Variants in OPCML observed in about 807,000 individuals in gnomAD.
OPCML encodes opioid-binding protein/cell adhesion molecule.
Under a neutral mutation model 37.8 loss-of-function variants are expected in OPCML, and 13 were observed. The ratio of observed to expected loss-of-function variants is 0.34; its 90% CI spans 0.22 to 0.55. The LOEUF (loss-of-function observed/expected upper bound fraction) is 0.55. Among genes scored for constraint, OPCML ranks in the 20% least tolerant of loss-of-function variants. The pLI is 0.91. For synonymous variants in OPCML, 176 were observed against 168.8 expected (o/e 1.04, Z -0.33); for missense variants, 341 against 435.6 (o/e 0.78, Z 1.93).
intron 1 of OPCML, among the ~76,000 whole-genome samples, chr11:133,369,087 C>T (rs1233353538): frequency 6.6e-6 from 1 of 152,246 alleles, no homozygotes; most frequent in East Asian, 1.9e-4. Flanking sequence ...TTTGGTGCAA[C>T]CAAGTGTCGA....
At chr11:132,581,616 A>G (rs1475228204) in intron 3 of OPCML, among the ~76,000 whole-genome samples, 1 of 152,220 alleles carries the variant, frequency 6.6e-6, no homozygotes, top group Admixed American at 6.5e-5. Context: ...TCAGCTCTGA[A>G]TCCTGTCCCA....
In OPCML at chr11:133,405,627, C is replaced by T. The variant is rs541714021; in HGVS notation, c.61+126637G>A. ...CTCCTGAACTGTGTTGTTTCTTTTG[C>T]GTGATCTGGCTCTAGCGCTGGGGGA... is the stretch of plus-strand genomic sequence containing the variant. On this transcript the variant is annotated intron_variant, in intron 1 of 7. Transcript: ENST00000524381. 1.1e-4 allele frequency among the ~76,000 whole-genome samples: 16 copies of T among 152,260 alleles called. No homozygotes were observed. In the East Asian group the frequency reaches 1.2e-3, roughly 11 times the overall value.
chr11:132,419,940 C>T lies in OPCML; in HGVS notation c.*253G>A, dbSNP rs2095951622. ...AAGGGAAGGGTCAAGGTAGCAGGAGCAGACCCCATTTTTGGACACACCAAT... is the reference window on the plus strand; with the variant it reads ...AAGGGAAGGGTCAAGGTAGCAGGAGTAGACCCCATTTTTGGACACACCAAT... On this transcript the variant is annotated 3_prime_UTR_variant, in exon 8 of 8. Transcript: ENST00000524381. 2.1e-6 allele frequency: 1 copy of T among 468,996 alleles called. No individual in the cohort carries two copies. Among genetic ancestry groups the T allele is most frequent in the Non-Finnish European group, 3.8e-6 (1 of 263,036 alleles). 29.1% of individuals were successfully genotyped at this position (468,996 alleles called of 1,614,324 possible). A position where few individuals can be genotyped will look rare whatever the true frequency, so the allele number is the denominator to read the frequency against.
At chr11:133,245,021 G>A (rs1018419988) in intron 1 of OPCML, among the ~76,000 whole-genome samples, 3 of 152,234 alleles carry the variant, frequency 2.0e-5, no homozygotes, top group African/African-American at 7.2e-5. Context: ...CCATGAGGAT[G>A]TGTGGAATGT....
intron 2 of OPCML, among the ~76,000 whole-genome samples, chr11:132,739,835 C>CA (rs1945379974): frequency 1.3e-5 from 2 of 152,242 alleles, no homozygotes; most frequent in East Asian, 3.9e-4. Context: ...AAAGTACAGT[C>CA]AAAATCAATG....
intron 7 of OPCML, among the ~76,000 whole-genome samples, chr11:132,426,441 C>T (rs2095977853): frequency 6.6e-6 from 1 of 152,014 alleles, no homozygotes. Flanking sequence ...ATGGTTTTTG[C>T]CATTACTTTT....
intron 1 of OPCML, among the ~76,000 whole-genome samples, chr11:133,427,421 G>A (rs897549026): frequency 3.2e-5 from 4 of 123,160 alleles, no homozygotes; most frequent in Admixed American, 1.7e-4. Context: ...GGCCGGGGGT[G>A]GGGGGGCGGG....
intron 1 of OPCML, chr11:133,418,626 T>C (rs1237476127): frequency 1.0e-5 from 2 of 200,158 alleles, no homozygotes; most frequent in Admixed American, 6.5e-5. Flanking sequence ...AGAAATTTAA[T>C]TTATAGTTTA....
intron 1 of OPCML, among the ~76,000 whole-genome samples, chr11:133,179,333 G>A (rs1937710386): frequency 6.6e-6 from 1 of 152,182 alleles, no homozygotes; most frequent in African/African-American, 2.4e-5. Context: ...AGACATCTCA[G>A]GGGTTGGTTG....
rs143175078 is a variant in OPCML, at chr11:133,244,583, C to T, written c.61+287681G>A. Among the ~76,000 whole-genome samples, 328 of 152,182 alleles carry T rather than the reference C, an allele frequency of 2.2e-3. 2 individuals are homozygous for T. Among genetic ancestry groups the T allele is most frequent in the Middle Eastern group, 0.01 (3 of 294 alleles). On this transcript the variant is annotated intron_variant, in intron 1 of 7. Coordinates refer to ENST00000524381, the MANE Select transcript of OPCML (RefSeq NM_001012393.5). The stretch of plus-strand genomic sequence containing the variant: ...ATCTCCAGCACTGGAGGAGGGGCCT[C>T]GTGGGAGGGGAATGGATCACAGGGC...
At chr11:132,652,585 T>A (rs895621377) in intron 3 of OPCML, among the ~76,000 whole-genome samples, 18 of 152,312 alleles carry the variant, frequency 1.2e-4, no homozygotes, top group African/African-American at 4.1e-4. Flanking sequence ...AGTTACCTAA[T>A]TTGTAAATGG....
intron 1 of OPCML, among the ~76,000 whole-genome samples, chr11:133,172,651 C>T (rs766221489): frequency 1.1e-4 from 16 of 152,118 alleles, no homozygotes; most frequent in Middle Eastern, 3.4e-3. Flanking sequence ...TATTTGTATC[C>T]GACAAGCAGC....
Position 132,436,155 on chromosome 11 carries a change from C to G in OPCML, c.847G>C (p.Asp283His). 1.9e-6 allele frequency: 3 copies of G among 1,614,200 alleles called. No homozygotes were observed. The highest frequency in any genetic ancestry group is 2.5e-6 in the Non-Finnish European group (3 of 1,180,028). Reference protein sequence around the residue: ...TLTFFNVSEKDYGNYTCVATN... With the variant: ...TLTFFNVSEKHYGNYTCVATN... ...GCCACACAAGTATAGTTCCCATAAT[C>G]CTTTTCTGAAACATTGAAGAAAGTC... The change falls in exon 7 of 8, where the codon GAT (aspartate) becomes CAT (histidine). Residue 283 changes from aspartate (D) to histidine (H), a missense_variant. Physicochemically the swap from Asp to His is moderately conservative, Grantham distance 81. Transcript: ENST00000524381.
intron 1 of OPCML, among the ~76,000 whole-genome samples, chr11:133,305,480 A>G (rs1942892869): frequency 1.3e-5 from 2 of 152,246 alleles, no homozygotes; most frequent in African/African-American, 4.8e-5. Context: ...TGTGAGAATT[A>G]TTTAAGTGCC....
intron 2 of OPCML, among the ~76,000 whole-genome samples, chr11:132,893,691 A>T (rs1158981110): frequency 6.6e-6 from 1 of 152,132 alleles, no homozygotes; most frequent in Admixed American, 6.5e-5. Flanking sequence ...TGTTTTAGCA[A>T]CTCTTTGCAA....
At chr11:132,476,084 C>T (rs909345616) in intron 4 of OPCML, among the ~76,000 whole-genome samples, 1 of 152,206 alleles carries the variant, frequency 6.6e-6, no homozygotes, top group African/African-American at 2.4e-5. Flanking sequence ...GATACATATA[C>T]ACACTCTCAT....
At chr11:132,453,333 C>A (rs185158260) in intron 4 of OPCML, among the ~76,000 whole-genome samples, 1 of 152,154 alleles carries the variant, frequency 6.6e-6, no homozygotes, top group East Asian at 1.9e-4. Flanking sequence ...TCACTAGCAC[C>A]AAAGCTGAGA....
intron 1 of OPCML, chr11:133,439,415 A>G: frequency 1.0e-6 from 1 of 985,266 alleles, no homozygotes; most frequent in Non-Finnish European, 1.2e-6. Context: ...GGGAATAGGA[A>G]ATGCTTATGA....
At chr11:133,321,620 T>C (rs1943331933) in intron 1 of OPCML, among the ~76,000 whole-genome samples, 1 of 152,178 alleles carries the variant, frequency 6.6e-6, no homozygotes, top group African/African-American at 2.4e-5. Context: ...ATTTGGGTTA[T>C]GTCAAAAGCA....
Sources: allele counts gnomAD v4.1 joint callset (sites outside exome capture counted in the v4.1 genomes callset), GRCh38; gene constraint gnomAD v4.1.1; transcripts MANE v1.5; gene names NCBI Gene and HGNC (gene_info 2026-07-23, HGNC 2026-07-21).